Variants in ITGA2 observed in about 807,000 individuals in gnomAD.
ITGA2 encodes integrin alpha-2.
Under a neutral mutation model 146.3 loss-of-function variants are expected in ITGA2, and 101 were observed. The observed-to-expected ratio is 0.69, with a 90% CI of 0.59 to 0.81. ITGA2 has a LOEUF of 0.81. Among genes scored for constraint, ITGA2 ranks in the 40% least tolerant of loss-of-function variants. The pLI is 0.00. For synonymous variants in ITGA2, 477 were observed against 487.1 expected (o/e 0.98, Z 0.27); for missense variants, 1,281 against 1,402.7 (o/e 0.91, Z 1.39).
chr5:53,087,338 A>G (rs1746207816), intron 28 of ITGA2, among the ~76,000 whole-genome samples: 1 of 152,180 alleles, frequency 6.6e-6, no homozygotes, highest in Non-Finnish European at 1.5e-5. Context: ...TTGGGACTCC[A>G]TGGTGTCTCT....
At chr5:53,071,731 A>G (rs1168099777) in intron 17 of ITGA2, among the ~76,000 whole-genome samples, 1 of 152,004 alleles carries the variant, frequency 6.6e-6, no homozygotes, top group African/African-American at 2.4e-5. Flanking sequence ...TTGGTTTCTT[A>G]GTAGAAGAGA....
intron 17 of ITGA2, among the ~76,000 whole-genome samples, chr5:53,071,066 T>C (rs3212575): frequency 0.053 from 8,081 of 151,978 alleles, 737 homozygotes; most frequent in African/African-American, 0.19. Context: ...ATATTTCTGA[T>C]GTAAATGGAT....
chr5:53,016,174 G>C (rs1463411804), intron 1 of ITGA2, among the ~76,000 whole-genome samples: 1 of 152,162 alleles, frequency 6.6e-6, no homozygotes, highest in Non-Finnish European at 1.5e-5. Flanking sequence ...TTGCTTTATA[G>C]TGTCAATGGT....
Position 53,094,141 on chromosome 5 carries a change from C to T in ITGA2, c.*3542C>T, listed in dbSNP as rs187155679. ...ACATCATCATACAGAAGGCAGGATT[C>T]CTTAAACTGAGATCCCTGATCCATC... On this transcript the variant is annotated 3_prime_UTR_variant, in exon 30 of 30. Transcript: ENST00000296585. 2 of 152,398 alleles carry T rather than the reference C, an allele frequency of 1.3e-5. No individual in the cohort carries two copies. Among genetic ancestry groups the T allele is most frequent in the Admixed American group, 6.5e-5 (1 of 15,294 alleles). 9.4% of individuals were successfully genotyped at this position (152,398 alleles called of 1,614,324 possible). A position where few individuals can be genotyped will look rare whatever the true frequency, so the allele number is the denominator to read the frequency against.
At chr5:53,065,702 A>G in intron 14 of ITGA2, 139 bp from the exon 15 acceptor site, 1 of 1,120,104 alleles carries the variant, frequency 8.9e-7, no homozygotes, top group South Asian at 1.4e-5. Flanking sequence ...TGATTAAAAA[A>G]TGAATCTTTA....
chr5:53,072,663 A>G lies in ITGA2; in HGVS notation c.2397A>G (p.Leu799=), dbSNP rs952519605. 1.9e-6 allele frequency: 3 copies of G among 1,610,772 alleles called. No individual in the cohort carries two copies. Among genetic ancestry groups the G allele is most frequent in the Non-Finnish European group, 2.5e-6 (3 of 1,178,492 alleles). ...CGEDGLCISD[L]VLDVRQIPAA... ...AGGACGGACTTTGCATTTCTGATCT[A>G]GTCCTAGATGTCCGACAAATACCAG... The change falls in exon 19 of 30, where the codon CTA becomes CTG. Residue 799 remains leucine (L), a synonymous_variant. Transcript: ENST00000296585.
intron 17 of ITGA2, among the ~76,000 whole-genome samples, chr5:53,070,864 G>A (rs141047596): frequency 3.3e-5 from 5 of 151,872 alleles, no homozygotes; most frequent in African/African-American, 1.2e-4. Context: ...AATGGCATTT[G>A]AAAGGATAAT....
chr5:52,989,361 C>T lies in ITGA2; in HGVS notation c.-108C>T, dbSNP rs1740792733. ...TCTCACCGGGCGGGGGAGAGAAGCC[C>T]TCTGGACAGCTTCTAGAGTGTGCAG... On this transcript the variant is annotated 5_prime_UTR_variant, in exon 1 of 30. Transcript: ENST00000296585. The T allele has an allele frequency of 2.5e-6, 3 of 1,193,776 alleles. No homozygotes were observed. Among genetic ancestry groups the T allele is most frequent in the Non-Finnish European group, 3.7e-6 (3 of 804,120 alleles). 73.9% of individuals were successfully genotyped at this position (1,193,776 alleles called of 1,614,324 possible). A position where few individuals can be genotyped will look rare whatever the true frequency, so the allele number is the denominator to read the frequency against.
At chr5:53,040,411 T>C (rs1478675786) in intron 2 of ITGA2, among the ~76,000 whole-genome samples, 2 of 152,166 alleles carry the variant, frequency 1.3e-5, no homozygotes, top group East Asian at 3.9e-4. Context: ...GATTCCTAAT[T>C]TCTTCTGAGC....
Position 53,052,068 on chromosome 5 carries a change from AC to A in ITGA2, c.779+511del, listed in dbSNP as rs147033070. Among the ~76,000 whole-genome samples the A allele has an allele frequency of 1.6e-3, 236 of 152,016 alleles. 1 individual carries two copies. In the South Asian group the frequency reaches 0.027, roughly 18 times the overall value. On this transcript the variant is annotated intron_variant, in intron 7 of 29. Transcript: ENST00000296585. ...TTTCTCTATTTTCTCAGATCCACTG[AC>A]CTTTCTTTTCACTCTATTTTTTATT...
In ITGA2 at chr5:53,090,568, A is replaced by AAT; in HGVS notation, c.3515_3516insAT (p.Ile1173Ter). The AAT allele has an allele frequency of 6.2e-7, 1 of 1,614,102 alleles. No individual in the cohort carries two copies. Among genetic ancestry groups the AAT allele is most frequent in the Non-Finnish European group, 8.5e-7 (1 of 1,179,982 alleles). On this transcript the variant is annotated frameshift_variant, in exon 30 of 30. Coordinates refer to ENST00000296585, the MANE Select transcript of ITGA2 (RefSeq NM_002203.4). LOFTEE classifies it high-confidence loss of function. ...GAAAAGATGACCAAAAATCCAGATG[A>AAT]GATTGATGAGACCACAGAGCTCAGT...
intron 1 of ITGA2, among the ~76,000 whole-genome samples, chr5:53,023,148 G>A (rs1466673976): frequency 2.6e-5 from 4 of 152,188 alleles, no homozygotes; most frequent in African/African-American, 9.7e-5. Context: ...TTATACTCTG[G>A]GTGATAATAG....
chr5:53,083,824 A>G (rs577271998), intron 27 of ITGA2, among the ~76,000 whole-genome samples: 1 of 152,174 alleles, frequency 6.6e-6, no homozygotes. Context: ...GCCACACCCA[A>G]ATCAAAATGT....
At chr5:53,039,716 G>A (rs1245104116) in intron 2 of ITGA2, among the ~76,000 whole-genome samples, 3 of 133,726 alleles carry the variant, frequency 2.2e-5, no homozygotes, top group Non-Finnish European at 3.1e-5. Flanking sequence ...CTCTAGCCTA[G>A]GCAACAGAGT....
intron 1 of ITGA2, among the ~76,000 whole-genome samples, chr5:53,006,963 G>A (rs530981642): frequency 2.0e-5 from 3 of 152,310 alleles, no homozygotes; most frequent in Admixed American, 2.0e-4. Context: ...CTCCTATGCA[G>A]ACTTAGAAAA....
chr5:53,024,220 A>C (rs1448358568), intron 1 of ITGA2, among the ~76,000 whole-genome samples: 1 of 152,246 alleles, frequency 6.6e-6, no homozygotes, highest in South Asian at 2.1e-4. Flanking sequence ...GTGGCACTCA[A>C]ATGAGTCAGG....
intron 1 of ITGA2, among the ~76,000 whole-genome samples, chr5:53,021,265 G>A (rs1742668526): frequency 6.6e-6 from 1 of 151,886 alleles, no homozygotes; most frequent in Non-Finnish European, 1.5e-5. Flanking sequence ...TTTAATGGTG[G>A]TTATTAAGAA....
chr5:53,076,880 T>G (rs1164744605), intron 23 of ITGA2, among the ~76,000 whole-genome samples: 2 of 152,032 alleles, frequency 1.3e-5, no homozygotes, highest in African/African-American at 4.8e-5. Context: ...GTCCTAGTCC[T>G]ACTACCTAGA....
chr5:53,078,811 G>A lies in ITGA2; in HGVS notation c.2865G>A (p.Gly955=). ...ATTTTTATGAAATCTCTTCGGATGG[G>A]AATGTTCCTTCAATCGTGCACAGTT... The part of the protein sequence containing the change: ...NINFYEISSD[G]NVPSIVHSFE... Residue 955 remains glycine (G), a synonymous_variant, in exon 24 of 30, where the codon GGG becomes GGA. Coordinates refer to ENST00000296585, the MANE Select transcript of ITGA2 (RefSeq NM_002203.4). The A allele has an allele frequency of 6.2e-7, 1 of 1,611,630 alleles. No individual in the cohort carries two copies. Among genetic ancestry groups the A allele is most frequent in the Non-Finnish European group, 8.5e-7 (1 of 1,178,300 alleles).
Sources: gnomAD v4.1 joint callset for allele counts (sites outside exome capture counted in the v4.1 genomes callset) on GRCh38, gnomAD v4.1.1 for gene constraint, MANE v1.5 for transcripts, NCBI Gene and HGNC (gene_info 2026-07-23, HGNC 2026-07-21) for gene names.